The following BRINP1 variants were observed in gnomAD, a reference collection of about 807,000 sequenced individuals.
BRINP1 encodes the protein BMP/retinoic acid-inducible neural-specific protein 1.
A neutral mutation model predicts 72.9 loss-of-function variants in BRINP1; 17 were observed. The observed-to-expected ratio is 0.23, with a 90% CI of 0.16 to 0.35. BRINP1 has a LOEUF of 0.35. Among genes scored for constraint, BRINP1 ranks in the 10% least tolerant of loss-of-function variants. The pLI is 1.00. For missense variants in BRINP1, 850 were observed against 1,001.6 expected (o/e 0.85, Z 2.04); for synonymous variants, 418 against 378.5 (o/e 1.10, Z -1.21).
At chr9:119,297,716 T>G (rs1159276002) in intron 2 of BRINP1, among the ~76,000 whole-genome samples, 1 of 152,206 alleles carries the variant, frequency 6.6e-6, no homozygotes, top group Non-Finnish European at 1.5e-5. Flanking sequence ...CCTGCTCATT[T>G]AGGTTCAACT....
chr9:119,217,894 A>G (rs1347461450), intron 5 of BRINP1, among the ~76,000 whole-genome samples: 1 of 151,822 alleles, frequency 6.6e-6, no homozygotes, highest in Non-Finnish European at 1.5e-5. Flanking sequence ...TGTTCCTCCC[A>G]TAATCTTTGC....
chr9:119,353,777 T>C (rs1194831007), intron 1 of BRINP1, among the ~76,000 whole-genome samples: 1 of 151,932 alleles, frequency 6.6e-6, no homozygotes, highest in Non-Finnish European at 1.5e-5. Context: ...TGGCATGTGT[T>C]TATTTTTCAA....
intron 7 of BRINP1, among the ~76,000 whole-genome samples, chr9:119,185,676 T>C (rs1325301378): frequency 6.6e-6 from 1 of 152,100 alleles, no homozygotes; most frequent in Admixed American, 6.5e-5. Context: ...ACAAAACATC[T>C]TGTCTCTGCT....
intron 2 of BRINP1, among the ~76,000 whole-genome samples, chr9:119,300,827 A>T (rs1041600032): frequency 2.0e-5 from 3 of 152,200 alleles, no homozygotes; most frequent in African/African-American, 7.2e-5. Context: ...CTTATGTGCT[A>T]TATCAGAAAC....
intron 1 of BRINP1, among the ~76,000 whole-genome samples, chr9:119,340,523 A>C (rs571751783): frequency 6.6e-6 from 1 of 152,298 alleles, no homozygotes; most frequent in South Asian, 2.1e-4. Flanking sequence ...CAGTCCAGCT[A>C]ATCTTCAATG....
intron 1 of BRINP1, among the ~76,000 whole-genome samples, chr9:119,356,923 T>C (rs111520336): frequency 0.011 from 1,747 of 152,356 alleles, 23 homozygotes; most frequent in Non-Finnish European, 0.017. Context: ...CTTGCATTGT[T>C]GCCAAAACTG....
At chr9:119,250,595 A>C (rs1486432457) in intron 2 of BRINP1, among the ~76,000 whole-genome samples, 1 of 152,240 alleles carries the variant, frequency 6.6e-6, no homozygotes. Context: ...TTATTGTTTT[A>C]TAACTTTATT....
chr9:119,272,453 G>A (rs1830617367), intron 2 of BRINP1, among the ~76,000 whole-genome samples: 1 of 152,108 alleles, frequency 6.6e-6, no homozygotes. Flanking sequence ...CATCCATATT[G>A]AAATGAAAGT....
intron 1 of BRINP1, among the ~76,000 whole-genome samples, chr9:119,314,648 C>A (rs1476963870): frequency 6.6e-6 from 1 of 152,142 alleles, no homozygotes; most frequent in East Asian, 1.9e-4. Context: ...CTGTATGTGA[C>A]CCCACCCTAC....
At chr9:119,345,872 T>G (rs995183341) in intron 1 of BRINP1, among the ~76,000 whole-genome samples, 1 of 152,092 alleles carries the variant, frequency 6.6e-6, no homozygotes, top group Non-Finnish European at 1.5e-5. Context: ...GAGGTGGTTT[T>G]TTTTGTTTTG....
chr9:119,364,976 T>C (rs1389388863), intron 1 of BRINP1, among the ~76,000 whole-genome samples: 1 of 152,206 alleles, frequency 6.6e-6, no homozygotes, highest in Non-Finnish European at 1.5e-5. Context: ...GCTATTGAGA[T>C]GCAACAGGAA....
At chr9:119,352,792 A>G (rs1831519092) in intron 1 of BRINP1, among the ~76,000 whole-genome samples, 2 of 152,240 alleles carry the variant, frequency 1.3e-5, no homozygotes, top group Admixed American at 6.5e-5. Flanking sequence ...CTCTGATTCC[A>G]ACATTTGATA....
At chr9:119,310,883 G>T (rs1265062245) in intron 2 of BRINP1, among the ~76,000 whole-genome samples, 1 of 152,162 alleles carries the variant, frequency 6.6e-6, no homozygotes, top group East Asian at 1.9e-4. Context: ...TTGCCCCAGT[G>T]AGCATGTCCT....
chr9:119,168,321 A>G (rs2118814023), intron 7 of BRINP1, 97 bp from the exon 8 acceptor site: 1 of 978,152 alleles, frequency 1.0e-6, no homozygotes, highest in South Asian at 1.9e-5. Context: ...GCTGCCAAAA[A>G]GATGAAAGGA....
chr9:119,244,686 C>G (rs889523210), intron 3 of BRINP1, among the ~76,000 whole-genome samples: 48 of 152,134 alleles, frequency 3.2e-4, no homozygotes, highest in Non-Finnish European at 5.7e-4. Context: ...AGAAGCAAAC[C>G]TTTAGATCAA....
chr9:119,326,336 A>G (rs1182721539), intron 1 of BRINP1, among the ~76,000 whole-genome samples: 8 of 152,196 alleles, frequency 5.3e-5, no homozygotes, highest in African/African-American at 1.7e-4. Context: ...CCACAAATCA[A>G]CTGTAAAAAT....
chr9:119,214,011 T>C lies in BRINP1; in HGVS notation c.830A>G (p.Asn277Ser), dbSNP rs774316522. The change falls in exon 6 of 8, where the codon AAC (asparagine) becomes AGC (serine). Residue 277 changes from asparagine to serine, a missense_variant. Coordinates refer to ENST00000265922, the MANE Select transcript of BRINP1 (RefSeq NM_014618.3). ...CQCAEEFPQCNCPITDIQIME... is the reference protein window; with the variant it reads ...CQCAEEFPQCSCPITDIQIME... ...GATCTGGATGTCCGTGATGGGGCAG[T>C]TGCACTGCGGAAACTCCTCGGCACA... 3 of 1,614,190 alleles carry C rather than the reference T, an allele frequency of 1.9e-6. No homozygotes were observed. The highest frequency in any genetic ancestry group is 1.1e-5 in the South Asian group (1 of 91,090).
chr9:119,279,995 A>T (rs1185223115), intron 2 of BRINP1, among the ~76,000 whole-genome samples: 8 of 152,218 alleles, frequency 5.3e-5, no homozygotes, highest in Admixed American at 5.2e-4. Flanking sequence ...TGCTATATGT[A>T]CAAAAAGATC....
chr9:119,191,880 T>C (rs952684777), intron 7 of BRINP1, among the ~76,000 whole-genome samples: 38 of 151,702 alleles, frequency 2.5e-4, no homozygotes, highest in African/African-American at 8.9e-4. Context: ...CAAAACAATA[T>C]AGAACTGGCA....
Sources: allele counts gnomAD v4.1 joint callset (sites outside exome capture counted in the v4.1 genomes callset), GRCh38; gene constraint gnomAD v4.1.1; transcripts MANE v1.5; gene names NCBI Gene and HGNC (gene_info 2026-07-23, HGNC 2026-07-21).